Variants in TAOK3 observed in about 807,000 individuals in gnomAD.
TAOK3 encodes serine/threonine-protein kinase TAO3.
TAOK3 carries 40 observed loss-of-function variants against 120.4 expected under a neutral mutation model. The observed-to-expected ratio is 0.33, with a 90% CI of 0.26 to 0.43. The LOEUF (loss-of-function observed/expected upper bound fraction) is 0.43. TAOK3 is among the 20% of genes least tolerant of loss of function. The pLI is 1.00. For missense variants in TAOK3, 821 were observed against 1,112.1 expected (o/e 0.74, Z 3.72); for synonymous variants, 355 against 387.5 (o/e 0.92, Z 0.99).
At chr12:118,158,701 G>A (rs1264727107) in intron 19 of TAOK3, among the ~76,000 whole-genome samples, 1 of 152,046 alleles carries the variant, frequency 6.6e-6, no homozygotes, top group Non-Finnish European at 1.5e-5. Flanking sequence ...CCACATTTCT[G>A]CTAATATCTT....
intron 9 of TAOK3, among the ~76,000 whole-genome samples, chr12:118,215,221 C>T (rs1222851489): frequency 2.9e-5 from 4 of 136,554 alleles, no homozygotes; most frequent in East Asian, 2.5e-4. Flanking sequence ...AATGGCCGGG[C>T]GCGGTGGCTC....
At chr12:118,330,482 T>C (rs1413590088) in intron 1 of TAOK3, among the ~76,000 whole-genome samples, 2 of 152,140 alleles carry the variant, frequency 1.3e-5, no homozygotes, top group Non-Finnish European at 2.9e-5. Context: ...TTATCATAAC[T>C]CAGGCCTCAG....
intron 1 of TAOK3, among the ~76,000 whole-genome samples, chr12:118,333,252 C>T (rs183587872): frequency 6.6e-6 from 1 of 152,124 alleles, no homozygotes; most frequent in African/African-American, 2.4e-5. Flanking sequence ...GTAACTCCAA[C>T]AAATCTAAAA....
chr12:118,365,501 C>T (rs1437777170), intron 1 of TAOK3, among the ~76,000 whole-genome samples: 2 of 152,128 alleles, frequency 1.3e-5, no homozygotes, highest in Non-Finnish European at 2.9e-5. Context: ...CTCCCTCCTC[C>T]CTCATTAGCC....
At chr12:118,317,340 C>T (rs2043511686) in intron 1 of TAOK3, among the ~76,000 whole-genome samples, 1 of 149,430 alleles carries the variant, frequency 6.7e-6, no homozygotes, top group Non-Finnish European at 1.5e-5. Context: ...GCTCTGTTGC[C>T]CAGGCTGGAG....
intron 7 of TAOK3, chr12:118,235,924 A>T: frequency 2.9e-6 from 1 of 349,306 alleles, no homozygotes; most frequent in Non-Finnish European, 5.3e-6. Flanking sequence ...GGGAGGGAAT[A>T]CAAATGAGAA....
chr12:118,180,948 A>T (rs795478), intron 15 of TAOK3, among the ~76,000 whole-genome samples: 3 of 151,518 alleles, frequency 2.0e-5, no homozygotes, highest in Non-Finnish European at 4.4e-5. Context: ...AGGTTCAAGC[A>T]ATTCTCCTGC....
intron 1 of TAOK3, among the ~76,000 whole-genome samples, chr12:118,347,089 T>C (rs769594840): frequency 7.2e-5 from 11 of 152,108 alleles, no homozygotes; most frequent in Non-Finnish European, 1.2e-4. Flanking sequence ...ACTGAAGCCT[T>C]GACTGCCCGT....
At chr12:118,166,727 C>G (rs552480032) in intron 17 of TAOK3, among the ~76,000 whole-genome samples, 68 of 151,686 alleles carry the variant, frequency 4.5e-4, no homozygotes, top group Non-Finnish European at 8.2e-4. Flanking sequence ...ACAAATTTAA[C>G]AAAATGAGCT....
chr12:118,218,944 C>A (rs2039080696), intron 9 of TAOK3, among the ~76,000 whole-genome samples: 1 of 152,018 alleles, frequency 6.6e-6, no homozygotes, highest in African/African-American at 2.4e-5. Flanking sequence ...CAGAGTGAGA[C>A]CTTGTCTCAT....
At chr12:118,187,992 T>C (rs1411352399) in intron 14 of TAOK3, among the ~76,000 whole-genome samples, 1 of 152,086 alleles carries the variant, frequency 6.6e-6, no homozygotes, top group Non-Finnish European at 1.5e-5. Context: ...AGTTCACAGA[T>C]GCGAGCATGA....
At chr12:118,242,823 G>A (rs1328982439) in intron 5 of TAOK3, among the ~76,000 whole-genome samples, 1 of 151,960 alleles carries the variant, frequency 6.6e-6, no homozygotes, top group Non-Finnish European at 1.5e-5. Context: ...TCGCACCACT[G>A]CACTCCAGCC....
chr12:118,255,512 T>C lies in TAOK3; in HGVS notation c.56A>G (p.Asp19Gly), dbSNP rs767810305. Residue 19 changes from aspartate (D) to glycine (G), a missense_variant, in exon 3 of 21, where the codon GAT becomes GGT. By Grantham distance (94) the Asp-to-Gly change is moderately conservative. Around this residue, in one of 2 missense-constraint regions of TAOK3, gnomAD observed 467 missense variants for 540.0 expected, o/e 0.86. Transcript: ENST00000392533. Reference sequence around the variant, plus strand: ...CAAACCAATAAAAAGTTCCTCAGGATCATCTTTGTAGAATAGATCGGCAAT... The same window carrying C: ...CAAACCAATAAAAAGTTCCTCAGGACCATCTTTGTAGAATAGATCGGCAAT... The part of the protein sequence containing the change: ...PEIADLFYKD[D>G]PEELFIGLHE... 5.6e-6 allele frequency: 9 copies of C among 1,614,144 alleles called. No homozygotes were observed. The highest frequency in any genetic ancestry group is 7.6e-6 in the Non-Finnish European group (9 of 1,179,986).
chr12:118,329,994 TCAA>T (rs1168009880), intron 1 of TAOK3, among the ~76,000 whole-genome samples: 3 of 152,160 alleles, frequency 2.0e-5, no homozygotes, highest in Non-Finnish European at 4.4e-5. Flanking sequence ...GAACTCTGTA[TCAA>T]CAACAACCCC....
intron 9 of TAOK3, among the ~76,000 whole-genome samples, chr12:118,224,008 C>T (rs2039382797): frequency 6.6e-6 from 1 of 152,190 alleles, no homozygotes; most frequent in African/African-American, 2.4e-5. Flanking sequence ...TAATCGCTAC[C>T]ATTTACTGAA....
Position 118,189,945 on chromosome 12 carries a change from C to A in TAOK3, c.1195-4G>T. The A allele has an allele frequency of 6.2e-7, 1 of 1,613,726 alleles. No homozygotes were observed. Among genetic ancestry groups the A allele is most frequent in the Non-Finnish European group, 8.5e-7 (1 of 1,179,662 alleles). ...CATCCCTTATGAATACATGATCCTG[C>A]AGAAATGGATAAAAACAAGGAGAAA... On this transcript the variant is annotated splice_polypyrimidine_tract_variant and splice_region_variant and intron_variant, in intron 13 of 20. Coordinates refer to ENST00000392533, the MANE Select transcript of TAOK3 (RefSeq NM_016281.4).
intron 1 of TAOK3, among the ~76,000 whole-genome samples, chr12:118,366,312 C>T (rs1056535225): frequency 6.6e-6 from 1 of 152,030 alleles, no homozygotes; most frequent in African/African-American, 2.4e-5. Flanking sequence ...TGGCTATGAA[C>T]TATGATTCTG....
intron 15 of TAOK3, among the ~76,000 whole-genome samples, chr12:118,180,679 T>C (rs1444204221): frequency 1.3e-5 from 2 of 152,146 alleles, no homozygotes; most frequent in East Asian, 1.9e-4. Flanking sequence ...ATCACTACTA[T>C]AAGAGACTAT....
chr12:118,224,926 A>C (rs1481985669), intron 9 of TAOK3, among the ~76,000 whole-genome samples: 1 of 152,130 alleles, frequency 6.6e-6, no homozygotes, highest in African/African-American at 2.4e-5. Flanking sequence ...AGGACTATCC[A>C]CAACTTTCCA....
Sources: gnomAD v4.1 joint callset for allele counts (sites outside exome capture counted in the v4.1 genomes callset) on GRCh38, gnomAD v4.1.1 for gene constraint, gnomAD v4.1.1 regional missense constraint, MANE v1.5 for transcripts, NCBI Gene and HGNC (gene_info 2026-07-23, HGNC 2026-07-21) for gene names.